The following TIAM2 variants were observed in gnomAD, a reference collection of about 807,000 sequenced individuals.
TIAM2 encodes rho guanine nucleotide exchange factor TIAM2.
In TIAM2, 80 loss-of-function variants were observed where a neutral mutation model predicts 152.9. The ratio of observed to expected loss-of-function variants is 0.52; its 90% CI spans 0.44 to 0.63. TIAM2 has a LOEUF of 0.63. TIAM2 is among the 30% of genes least tolerant of loss of function. The probability of loss-of-function intolerance (pLI) is 0.00; values close to 1 mark genes in which losing one functional copy is unlikely to be tolerated. For missense variants in TIAM2, 1,965 were observed against 2,120.1 expected (o/e 0.93, Z 1.44); for synonymous variants, 804 against 838.0 (o/e 0.96, Z 0.70).
At chr6:155,020,126 C>T (rs9384267) in intron 1 of TIAM2, among the ~76,000 whole-genome samples, 106,081 of 151,996 alleles carry the variant, frequency 0.7, 37,104 homozygotes, top group African/African-American at 0.74. Context: ...GTTCTGCACC[C>T]GGCTATCATC....
chr6:155,044,949 G>A (rs868348958), intron 1 of TIAM2, among the ~76,000 whole-genome samples: 11 of 151,784 alleles, frequency 7.2e-5, no homozygotes, highest in Non-Finnish European at 4.4e-5. Flanking sequence ...TTAGCACGGT[G>A]CATTTTATTT....
intron 16 of TIAM2, among the ~76,000 whole-genome samples, chr6:155,242,901 A>T (rs934688701): frequency 5.3e-5 from 7 of 131,832 alleles, no homozygotes; most frequent in African/African-American, 1.1e-4. Flanking sequence ...ACACCCAGCT[A>T]TTTTTTTTTT....
At chr6:155,209,313 A>G (rs941616739) in intron 14 of TIAM2, among the ~76,000 whole-genome samples, 7 of 152,264 alleles carry the variant, frequency 4.6e-5, no homozygotes, top group African/African-American at 1.7e-4. Flanking sequence ...TGTTGAGCGC[A>G]TGAACGGGGA....
chr6:155,128,466 C>G (rs1779351040), intron 3 of TIAM2, among the ~76,000 whole-genome samples: 1 of 151,982 alleles, frequency 6.6e-6, no homozygotes, highest in Admixed American at 6.6e-5. Flanking sequence ...TTAGCTCTAC[C>G]AGTAGTTTAT....
intron 1 of TIAM2, among the ~76,000 whole-genome samples, chr6:155,000,684 T>TG (rs1191779867): frequency 6.6e-6 from 1 of 152,098 alleles, no homozygotes; most frequent in Admixed American, 6.6e-5. Context: ...AGGTCAGATT[T>TG]GCATTTGAAA....
chr6:155,182,056 T>C (rs1270388977), intron 12 of TIAM2, among the ~76,000 whole-genome samples, 170 bp from the exon 13 acceptor site: 2 of 152,256 alleles, frequency 1.3e-5, no homozygotes, highest in East Asian at 1.9e-4. Flanking sequence ...TTGACATTTG[T>C]CTTTTTCTGC....
intron 1 of TIAM2, among the ~76,000 whole-genome samples, chr6:155,001,715 T>C (rs1173672998): frequency 1.3e-5 from 2 of 152,232 alleles, no homozygotes; most frequent in Non-Finnish European, 2.9e-5. Flanking sequence ...GTTTTCATGG[T>C]GTTGGATTAC....
chr6:155,153,300 A>C lies in TIAM2; in HGVS notation c.2028+4966A>C, dbSNP rs1038195586. Among the ~76,000 whole-genome samples, 67 of 151,990 alleles carry C rather than the reference A, an allele frequency of 4.4e-4. 1 individual carries two copies. The highest frequency in any genetic ancestry group is 1.0e-4 in the Non-Finnish European group (7 of 68,006). On this transcript the variant is annotated intron_variant, in intron 7 of 26. Transcript: ENST00000682666. ...TCTTGTGAGTTTCTGGTAACAGACA[A>C]TTGGGATTGATTTTAGAAATTCTTG...
intron 14 of TIAM2, among the ~76,000 whole-genome samples, chr6:155,190,928 T>C (rs1158254341): frequency 2.0e-5 from 3 of 152,244 alleles, no homozygotes; most frequent in African/African-American, 4.8e-5. Flanking sequence ...TTTTCCTCCT[T>C]CTTTTGTAAG....
At chr6:155,173,511 G>A (rs1279821227) in intron 9 of TIAM2, among the ~76,000 whole-genome samples, 1 of 152,002 alleles carries the variant, frequency 6.6e-6, no homozygotes, top group Non-Finnish European at 1.5e-5. Context: ...TTTTCTTCTC[G>A]AAGCTTCCAG....
chr6:155,016,039 C>CA (rs1156922717), intron 1 of TIAM2, among the ~76,000 whole-genome samples: 2 of 139,244 alleles, frequency 1.4e-5, no homozygotes, highest in African/African-American at 5.2e-5. Flanking sequence ...TAAAAGGCAA[C>CA]AATACTTGCT....
intron 1 of TIAM2, among the ~76,000 whole-genome samples, chr6:155,081,221 A>G (rs1208661054): frequency 1.3e-5 from 2 of 152,134 alleles, no homozygotes; most frequent in African/African-American, 4.8e-5. Context: ...GCTTAAGTCC[A>G]GGGATTCTGT....
intron 2 of TIAM2, among the ~76,000 whole-genome samples, chr6:155,115,899 A>G (rs1778998925): frequency 6.6e-6 from 1 of 152,104 alleles, no homozygotes; most frequent in Non-Finnish European, 1.5e-5. Context: ...CTCACCTGAG[A>G]TCAGGAGTTT....
intron 1 of TIAM2, among the ~76,000 whole-genome samples, chr6:155,062,901 C>T (rs1012499581): frequency 6.6e-6 from 1 of 152,030 alleles, no homozygotes; most frequent in Non-Finnish European, 1.5e-5. Context: ...ATTTGCATTT[C>T]CTTAATGACT....
chr6:155,111,310 C>G (rs923398407), intron 2 of TIAM2, among the ~76,000 whole-genome samples: 1 of 69,360 alleles, frequency 1.4e-5, no homozygotes, highest in Non-Finnish European at 2.6e-5. Flanking sequence ...CACACACACA[C>G]ACACACACAC....
chr6:155,076,551 C>T (rs994214491), intron 1 of TIAM2, among the ~76,000 whole-genome samples: 8 of 152,116 alleles, frequency 5.3e-5, no homozygotes, highest in Admixed American at 4.6e-4. Flanking sequence ...TTGGTATGGA[C>T]TTTCTAATTT....
intron 2 of TIAM2, chr6:155,121,803 G>C (rs979017455): frequency 6.6e-6 from 1 of 152,386 alleles, no homozygotes; most frequent in Non-Finnish European, 1.5e-5. Flanking sequence ...TTGGCCAGCT[G>C]TAGATCTCCT....
rs1389360997 is a variant in TIAM2 at position 155,183,365 on chromosome 6, A to G, written c.2929A>G (p.Thr977Ala). The G allele has an allele frequency of 6.2e-7, 1 of 1,613,458 alleles. No homozygotes were observed. The highest frequency in any genetic ancestry group is 8.5e-7 in the Non-Finnish European group (1 of 1,179,768). ...GLTLIARPPD[T>A]KATLCTSWSD... ...CACTCTGATTGCCCGGCCTCCGGAC[A>G]CAAAAGCAACCCTGTGTACATCCTG... Residue 977 changes from threonine to alanine, a missense_variant, in exon 14 of 27, where the codon ACA becomes GCA. By Grantham distance (58) the Thr-to-Ala change is moderately conservative. Coordinates refer to ENST00000682666, the MANE Select transcript of TIAM2 (RefSeq NM_012454.4).
intron 1 of TIAM2, among the ~76,000 whole-genome samples, chr6:155,047,690 A>G (rs1237537560): frequency 1.6e-4 from 5 of 30,722 alleles, no homozygotes; most frequent in East Asian, 8.2e-4. Flanking sequence ...GAGAGAGAGG[A>G]GAGAGAGAGA....
Sources: allele counts gnomAD v4.1 joint callset (sites outside exome capture counted in the v4.1 genomes callset), GRCh38; gene constraint gnomAD v4.1.1; transcripts MANE v1.5; gene names NCBI Gene and HGNC (gene_info 2026-07-23, HGNC 2026-07-21).